The following RABGAP1 variants were observed in gnomAD, a reference collection of about 807,000 sequenced individuals.
The protein encoded by RABGAP1 is RAB GTPase activating protein 1.
RABGAP1 carries 23 observed loss-of-function variants against 137.6 expected under a neutral mutation model. The observed-to-expected ratio is 0.17, with a 90% CI of 0.12 to 0.24. The LOEUF (loss-of-function observed/expected upper bound fraction) is 0.24. Ranked by LOEUF, RABGAP1 falls within the 10% of genes least tolerant of loss-of-function variation. The probability of loss-of-function intolerance (pLI) is 1.00; values close to 1 mark genes in which losing one functional copy is unlikely to be tolerated. For synonymous variants in RABGAP1, 451 were observed against 450.7 expected, an observed-to-expected ratio of 1.00 and a Z score of -0.01; for missense variants, 906 against 1,275.8, an observed-to-expected ratio of 0.71 and a Z score of 4.42.
At chr9:122,941,923 C>G (rs1489943765) in intron 1 of RABGAP1, among the ~76,000 whole-genome samples, 1 of 152,232 alleles carries the variant, frequency 6.6e-6, no homozygotes, top group African/African-American at 2.4e-5. Flanking sequence ...CCTAGGAGAC[C>G]GTGTTAAGTG....
chr9:123,090,497 C>T (rs908125536), intron 21 of RABGAP1, 112 bp downstream of exon 21: 56 of 798,060 alleles, frequency 7.0e-5, no homozygotes, highest in South Asian at 1.9e-4. Flanking sequence ...TAAAGTTTCC[C>T]GCTTGTGATA....
intron 25 of RABGAP1, 101 bp downstream of exon 25, chr9:123,101,864 C>T (rs2035356404): frequency 8.0e-7 from 1 of 1,242,684 alleles, no homozygotes; most frequent in Non-Finnish European, 1.1e-6. Context: ...TTTTCCACAC[C>T]TTTTAAACTT....
intron 11 of RABGAP1, among the ~76,000 whole-genome samples, chr9:123,014,101 T>C (rs2031032639): frequency 6.6e-6 from 1 of 152,234 alleles, no homozygotes; most frequent in Non-Finnish European, 1.5e-5. Context: ...CAATGAGATA[T>C]ATTCATCCTG....
At chr9:122,970,366 C>A (rs1330160763) in intron 2 of RABGAP1, among the ~76,000 whole-genome samples, 1 of 152,184 alleles carries the variant, frequency 6.6e-6, no homozygotes, top group African/African-American at 2.4e-5. Context: ...GCCAGGACTT[C>A]AAGGCTGCAG....
chr9:122,964,097 C>A (rs1470935740), intron 2 of RABGAP1, among the ~76,000 whole-genome samples: 1 of 152,114 alleles, frequency 6.6e-6, no homozygotes, highest in Middle Eastern at 3.4e-3. Context: ...CCAAAGAAAC[C>A]CTGGACTCAG....
Position 123,103,592 on chromosome 9 carries a change from T to TATAC in RABGAP1, c.*382_*383insCATA, listed in dbSNP as rs2035408003. On this transcript the variant is annotated 3_prime_UTR_variant, in exon 26 of 26. Transcript: ENST00000373647. ...AAACCTTTTTTTTTTAATATACATA[T>TATAC]ATATATATATATATATATATATATA... The TATAC allele has an allele frequency of 1.3e-4, 1 of 7,692 alleles. No homozygotes were observed. The highest frequency in any genetic ancestry group is 4.0e-3 in the South Asian group (1 of 252). The allele number at this position is 7,692 out of a possible 1,614,324, so 0.5% of individuals were successfully genotyped here.
chr9:123,016,878 A>G (rs1393530534), intron 12 of RABGAP1, among the ~76,000 whole-genome samples: 1 of 152,226 alleles, frequency 6.6e-6, no homozygotes, highest in East Asian at 1.9e-4. Flanking sequence ...AATGGGCATT[A>G]TCTGCTTTTA....
chr9:123,038,233 C>G (rs1210303985), intron 13 of RABGAP1, among the ~76,000 whole-genome samples: 1 of 152,046 alleles, frequency 6.6e-6, no homozygotes, highest in East Asian at 1.9e-4. Flanking sequence ...CCTATTGACT[C>G]TTACTCAAAA....
intron 13 of RABGAP1, among the ~76,000 whole-genome samples, chr9:123,026,180 C>T (rs1049880221): frequency 9.2e-5 from 14 of 151,884 alleles, no homozygotes; most frequent in African/African-American, 2.7e-4. Flanking sequence ...AAGAATTAGC[C>T]GGCCGTGGTG....
intron 17 of RABGAP1, 75 bp downstream of exon 17, chr9:123,074,503 TCAG>T (rs1588380283): frequency 7.0e-7 from 1 of 1,420,744 alleles, no homozygotes; most frequent in East Asian, 2.4e-5. Context: ...GTTTTGAGTG[TCAG>T]CTCTGTCAAA....
intron 21 of RABGAP1, 40 bp downstream of exon 21, chr9:123,090,425 C>A: frequency 6.8e-7 from 1 of 1,465,164 alleles, no homozygotes; most frequent in South Asian, 1.3e-5. Flanking sequence ...CTCACTGAGA[C>A]ACTTGACTTT....
At chr9:122,972,654 G>C (rs1018439782) in intron 2 of RABGAP1, among the ~76,000 whole-genome samples, 1 of 152,158 alleles carries the variant, frequency 6.6e-6, no homozygotes, top group African/African-American at 2.4e-5. Context: ...TTCTCTGGCC[G>C]TATTTAATTT....
chr9:123,076,458 G>A (rs1312278542), intron 18 of RABGAP1, among the ~76,000 whole-genome samples, 172 bp downstream of exon 18: 1 of 152,212 alleles, frequency 6.6e-6, no homozygotes. Flanking sequence ...GATTATAAAA[G>A]TGCTGGAAAT....
Position 122,989,495 on chromosome 9 carries a change from C to A in RABGAP1, c.765+24C>A, listed in dbSNP as rs187922040. On this transcript the variant is annotated intron_variant, in intron 5 of 25. Transcript: ENST00000373647. ...CTGTAAGTCCTCAAGAGAAAACTCT[C>A]TGCAAATGAAACTTCACCAGTGCCC... 96 of 1,610,458 alleles carry A rather than the reference C, an allele frequency of 6.0e-5. No homozygotes were observed. The African/African-American group carries it at 1.2e-3, about 20-fold the overall frequency.
chr9:123,074,459 T>C, intron 17 of RABGAP1, 31 bp downstream of exon 17: 1 of 1,590,324 alleles, frequency 6.3e-7, no homozygotes. Flanking sequence ...CACTTTGGCT[T>C]TTGTTTGCAG....
At position 123,101,629 on chromosome 9, in the gene RABGAP1, A is replaced by G. The variant is rs780640693; in HGVS notation, c.2953A>G (p.Ile985Val). Reference sequence around the variant, plus strand: ...CAACAAAGAAGGGCGTGTAAAAGGCATAAGCTCAACCAAGGAGGTTTTAGA... The same window carrying G: ...CAACAAAGAAGGGCGTGTAAAAGGCGTAAGCTCAACCAAGGAGGTTTTAGA... ...FFNKEGRVKGISSTKEVLDED... is the reference protein window; with the variant it reads ...FFNKEGRVKGVSSTKEVLDED... The change falls in exon 25 of 26, where the codon ATA (isoleucine) becomes GTA (valine). Residue 985 changes from isoleucine (I) to valine (V), a missense_variant. Physicochemically the swap from Ile to Val is conservative, Grantham distance 29. This residue lies in a region of RABGAP1 where 193 missense variants were observed against 248.1 expected (regional missense o/e 0.78). Transcript: ENST00000373647. 36 of 1,614,106 alleles carry G rather than the reference A, an allele frequency of 2.2e-5. No individual in the cohort carries two copies. Among genetic ancestry groups the G allele is most frequent in the South Asian group, 1.6e-4 (15 of 91,076 alleles).
At chr9:123,023,503 T>G (rs984707644) in intron 13 of RABGAP1, among the ~76,000 whole-genome samples, 41 of 152,294 alleles carry the variant, frequency 2.7e-4, no homozygotes, top group African/African-American at 7.2e-4. Flanking sequence ...TTTAAATGCA[T>G]TTATACAGTC....
intron 11 of RABGAP1, among the ~76,000 whole-genome samples, chr9:123,013,339 T>C (rs893309116): frequency 2.9e-5 from 1 of 34,798 alleles, no homozygotes; most frequent in African/African-American, 3.6e-5. Flanking sequence ...TGAGCCTTTC[T>C]TTTTTTTTTT....
intron 13 of RABGAP1, among the ~76,000 whole-genome samples, chr9:123,056,920 C>G (rs2033726975): frequency 6.6e-6 from 1 of 152,246 alleles, no homozygotes; most frequent in South Asian, 2.1e-4. Context: ...AATCTTTTCC[C>G]CACCTTTCCC....
Sources: allele counts gnomAD v4.1 joint callset (sites outside exome capture counted in the v4.1 genomes callset), GRCh38; gene constraint gnomAD v4.1.1; regional missense constraint gnomAD v4.1.1; transcripts MANE v1.5; gene names NCBI Gene and HGNC (gene_info 2026-07-23, HGNC 2026-07-21).